Variants in SENP6 observed in about 807,000 individuals in gnomAD.
The protein encoded by SENP6 is sentrin-specific protease 6.
Under a neutral mutation model 134.5 loss-of-function variants are expected in SENP6, and 41 were observed. The observed-to-expected ratio is 0.30, with a 90% CI of 0.24 to 0.40. The LOEUF is 0.40. SENP6 is among the 10% of genes least tolerant of loss of function. SENP6 has a pLI of 1.00. For synonymous variants in SENP6, 395 were observed against 429.8 expected (o/e 0.92, Z 1.00); for missense variants, 1,248 against 1,312.5 (o/e 0.95, Z 0.76).
intron 3 of SENP6, among the ~76,000 whole-genome samples, chr6:75,631,765 C>G (rs1310591498): frequency 6.6e-6 from 1 of 152,222 alleles, no homozygotes; most frequent in Non-Finnish European, 1.5e-5. Flanking sequence ...ACAATACTTA[C>G]TTTTAGCCCT....
At position 75,663,525 on chromosome 6, in the gene SENP6, A is replaced by G; in HGVS notation, c.994+7A>G. 6.3e-7 allele frequency: 1 copy of G among 1,597,044 alleles called. No individual in the cohort carries two copies. The highest frequency in any genetic ancestry group is 8.5e-7 in the Non-Finnish European group (1 of 1,174,516). On this transcript the variant is annotated splice_region_variant and intron_variant, in intron 9 of 23. Transcript: ENST00000447266. ...TCAGACCTAAATGATCCAAGTAAGT[A>G]TTTTACTCCCTTTAATATTGCTTAT...
chr6:75,617,913 G>A (rs901562709), intron 1 of SENP6, among the ~76,000 whole-genome samples: 3 of 152,144 alleles, frequency 2.0e-5, no homozygotes, highest in Non-Finnish European at 4.4e-5. Flanking sequence ...CCCTCAGGTT[G>A]GGTTTGTCTG....
At chr6:75,687,810 C>T (rs969052381) in intron 16 of SENP6, among the ~76,000 whole-genome samples, 2 of 152,186 alleles carry the variant, frequency 1.3e-5, no homozygotes, top group African/African-American at 2.4e-5. Flanking sequence ...AGGTGTCTGT[C>T]GGCCCCTACT....
intron 6 of SENP6, among the ~76,000 whole-genome samples, chr6:75,644,475 C>CTTTTTTT (rs71002753): frequency 4.4e-4 from 63 of 143,334 alleles, no homozygotes; most frequent in South Asian, 8.8e-4. Flanking sequence ...TTCTTTCTTT[C>CTTTTTTT]TTTTTTTTTT....
rs1393274823 is a variant in SENP6 at position 75,623,567 on chromosome 6, A to G, written c.147-333A>G. Among the ~76,000 whole-genome samples the G allele has an allele frequency of 2.0e-5, 3 of 152,350 alleles. No homozygotes were observed. The East Asian group carries it at 5.8e-4, about 29-fold the overall frequency. On this transcript the variant is annotated intron_variant, in intron 2 of 23. Transcript: ENST00000447266. ...AGACAAAAAGGAAAAATGAATGAGA[A>G]TATATAAAATCCATAACTAAATAAA...
In SENP6 at chr6:75,715,534, C is replaced by T. The variant is rs1294316398; in HGVS notation, c.3279C>T (p.Tyr1093=). 1.2e-6 allele frequency: 2 copies of T among 1,613,384 alleles called. No homozygotes were observed. The highest frequency in any genetic ancestry group is 8.5e-7 in the Non-Finnish European group (1 of 1,179,492). Residue 1093 remains tyrosine, a synonymous_variant, in exon 24 of 24, where the codon TAC becomes TAT. Coordinates refer to ENST00000447266, the MANE Select transcript of SENP6 (RefSeq NM_015571.4). ...SKEKRKHKDT[Y]STEAPLGEGT... ...AGAAAAGAAAGCATAAGGACACTTA[C>T]TCAACAGAAGCACCTTTAGGCGAAG... is the stretch of plus-strand genomic sequence containing the variant.
chr6:75,701,234 A>G (rs1582892275), intron 18 of SENP6, among the ~76,000 whole-genome samples: 1 of 152,204 alleles, frequency 6.6e-6, no homozygotes, highest in South Asian at 2.1e-4. Context: ...GCTCCCTGAC[A>G]TCTATAGCCT....
At chr6:75,695,128 A>G (rs2149894274) in intron 16 of SENP6, among the ~76,000 whole-genome samples, 1 of 152,182 alleles carries the variant, frequency 6.6e-6, no homozygotes, top group African/African-American at 2.4e-5. Context: ...TGCCCACCTC[A>G]GCCTCCCAAA....
chr6:75,655,881 TC>T (rs1210776912), intron 7 of SENP6, among the ~76,000 whole-genome samples: 1 of 152,054 alleles, frequency 6.6e-6, no homozygotes, highest in Non-Finnish European at 1.5e-5. Flanking sequence ...TTCCATAGTC[TC>T]CCCTTTTGTG....
At position 75,678,664 on chromosome 6, in the gene SENP6, C is replaced by T. The variant is rs1200665805; in HGVS notation, c.1930C>T (p.His644Tyr). ...FDEEEETGEN[H>Y]TIFIGPVEKL... ...TGAAGAAGAAGAAACTGGAGAAAAC[C>T]ACACCATCTTCATTGGCCCAGTAGA... is the stretch of plus-strand genomic sequence containing the variant. Residue 644 changes from histidine (H) to tyrosine (Y), a missense_variant, in exon 15 of 24, where the codon CAC becomes TAC. Coordinates refer to ENST00000447266, the MANE Select transcript of SENP6 (RefSeq NM_015571.4). The T allele has an allele frequency of 6.3e-7, 1 of 1,599,838 alleles. No homozygotes were observed. The highest frequency in any genetic ancestry group is 8.5e-7 in the Non-Finnish European group (1 of 1,169,808).
Position 75,709,625 on chromosome 6 carries a change from A to G in SENP6, c.2815A>G (p.Asn939Asp), listed in dbSNP as rs190032057. Residue 939 changes from asparagine (N) to aspartate (D), a missense_variant, in exon 20 of 24, where the codon AAC (asparagine) becomes GAC (aspartate). Physicochemically the swap from Asn to Asp is conservative, Grantham distance 23. Transcript: ENST00000447266. ...CGTCGACTTCTCAGAAGATCAGGAT[A>G]ACCAGGTAAAACTTAATGCTTGGCA... Reference protein sequence around the residue: ...ELVDFSEDQDNQDDSSDDGFL... With the variant: ...ELVDFSEDQDDQDDSSDDGFL... The G allele has an allele frequency of 6.2e-7, 1 of 1,611,632 alleles. No homozygotes were observed. The highest frequency in any genetic ancestry group is 1.1e-5 in the South Asian group (1 of 91,012).
intron 23 of SENP6, among the ~76,000 whole-genome samples, chr6:75,715,095 A>T (rs566672214): frequency 6.6e-6 from 1 of 152,268 alleles, no homozygotes; most frequent in South Asian, 2.1e-4. Flanking sequence ...TGCAGACCAT[A>T]TGTAAATGAG....
chr6:75,637,265 C>T (rs1427093638), intron 5 of SENP6, among the ~76,000 whole-genome samples: 1 of 152,096 alleles, frequency 6.6e-6, no homozygotes, highest in East Asian at 1.9e-4. Context: ...TATATCTTGT[C>T]TTTTAAGTAA....
At chr6:75,700,324 G>A (rs1324705407) in intron 18 of SENP6, among the ~76,000 whole-genome samples, 3 of 152,202 alleles carry the variant, frequency 2.0e-5, no homozygotes, top group Non-Finnish European at 4.4e-5. Flanking sequence ...GTAATTGTCT[G>A]ATTCAGCTTT....
intron 11 of SENP6, among the ~76,000 whole-genome samples, chr6:75,675,166 C>T (rs900334381): frequency 1.3e-5 from 2 of 151,480 alleles, no homozygotes; most frequent in African/African-American, 4.9e-5. Flanking sequence ...CACATGTACC[C>T]CTGAACCTAA....
At chr6:75,714,392 C>G (rs1392726846) in intron 23 of SENP6, among the ~76,000 whole-genome samples, 1 of 152,170 alleles carries the variant, frequency 6.6e-6, no homozygotes, top group Non-Finnish European at 1.5e-5. Context: ...ATCCACCATA[C>G]AGTAGATGAC....
chr6:75,683,048 C>T (rs1005655491), intron 16 of SENP6, among the ~76,000 whole-genome samples: 2 of 152,162 alleles, frequency 1.3e-5, no homozygotes, highest in Non-Finnish European at 2.9e-5. Flanking sequence ...CCTATTTCTC[C>T]ACATCCTCTC....
intron 7 of SENP6, among the ~76,000 whole-genome samples, chr6:75,654,707 C>T (rs1011187880): frequency 2.6e-5 from 4 of 152,138 alleles, no homozygotes; most frequent in Admixed American, 1.3e-4. Flanking sequence ...CTATCACTGT[C>T]GTCTGGGTAC....
At chr6:75,678,234 GC>G in intron 14 of SENP6, 1 of 202,152 alleles carries the variant, frequency 4.9e-6, no homozygotes, top group Non-Finnish European at 9.7e-6. Flanking sequence ...CTTATAGATT[GC>G]CTAGCCATTG....
Sources: allele counts gnomAD v4.1 joint callset (sites outside exome capture counted in the v4.1 genomes callset), GRCh38; gene constraint gnomAD v4.1.1; transcripts MANE v1.5; gene names NCBI Gene and HGNC (gene_info 2026-07-23, HGNC 2026-07-21).